Variants in OAS3 observed in about 807,000 individuals in gnomAD.
OAS3 encodes the protein 2'-5'-oligoadenylate synthetase 3.
A neutral mutation model predicts 113.0 loss-of-function variants in OAS3; 107 were observed. The ratio of observed to expected loss-of-function variants is 0.95; its 90% CI spans 0.81 to 1.11. The LOEUF (loss-of-function observed/expected upper bound fraction) is 1.11. Ranked by LOEUF, OAS3 falls within the 50% of genes most tolerant of loss-of-function variation. OAS3 has a pLI of 0.00. For missense variants in OAS3, 1,258 were observed against 1,389.1 expected (o/e 0.91, Z 1.50); for synonymous variants, 552 against 573.6 (o/e 0.96, Z 0.54).
At position 112,950,674 on chromosome 12, in the gene OAS3, G is replaced by A. The variant is rs771425878; in HGVS notation, c.1375-19G>A. 6.2e-7 allele frequency: 1 copy of A among 1,613,216 alleles called. No homozygotes were observed. On this transcript the variant is annotated intron_variant, in intron 6 of 15. Transcript: ENST00000228928. ...GGCTCCTAGAGGGTCCCTGATCTGA[G>A]CTGTTCTTCCCTCCACAGGGGGGCT...
rs780093595 is a variant in OAS3, at chr12:112,964,334, G to A, written c.2329G>A (p.Val777Ile). ...RQFLAQVNKA[V>I]DTICSFLKEN... ...GTTCCTGGCCCAGGTGAACAAGGCC[G>A]TTGATACCATCTGTTCATTTTTGAA... Residue 777 changes from valine (V) to isoleucine (I), a missense_variant, in exon 11 of 16, where the codon GTT (valine) becomes ATT (isoleucine). Val to Ile is a conservative substitution (Grantham distance 29). Transcript: ENST00000228928. The A allele has an allele frequency of 3.6e-5, 58 of 1,611,410 alleles. No individual in the cohort carries two copies. In the African/African-American group the frequency reaches 4.4e-4, roughly 12 times the overall value.
intron 14 of OAS3, 21 bp from the exon 15 acceptor site, chr12:112,969,587 G>A (rs777702605): frequency 6.3e-7 from 1 of 1,586,584 alleles, no homozygotes; most frequent in Non-Finnish European, 8.6e-7. Context: ...GAATAAGACT[G>A]TCCCTGGGTG....
chr12:112,962,645 GA>G lies in OAS3; in HGVS notation c.1834-6del, dbSNP rs753736965. On this transcript the variant is annotated splice_region_variant and splice_polypyrimidine_tract_variant and intron_variant, in intron 8 of 15. Transcript: ENST00000228928. The stretch of plus-strand genomic sequence containing the variant: ...CACTCATCTTTGGTTGGCCTTGTGT[GA>G]CACAGGTTGCGGCTCAGAACAAAGG... 6.2e-7 allele frequency: 1 copy of G among 1,611,964 alleles called. No individual in the cohort carries two copies. Among genetic ancestry groups the G allele is most frequent in the African/African-American group, 1.3e-5 (1 of 74,882 alleles).
At position 112,950,712 on chromosome 12, in the gene OAS3, G is replaced by T. The variant is rs1305517626; in HGVS notation, c.1394G>T (p.Gly465Val). 3 of 1,614,036 alleles carry T rather than the reference G, an allele frequency of 1.9e-6. No individual in the cohort carries two copies. The highest frequency in any genetic ancestry group is 2.5e-6 in the Non-Finnish European group (3 of 1,179,902). ...RVSKGGSFGR[G>V]TDLRDGCDVE... ...CCACAGGGGGGCTCATTTGGCCGGG[G>T]CACAGACCTAAGGGATGGCTGTGAT... The change falls in exon 7 of 16, where the codon GGC becomes GTC. Residue 465 changes from glycine to valine, a missense_variant. Gly to Val is a moderately radical substitution (Grantham distance 109). Transcript: ENST00000228928.
Position 112,954,621 on chromosome 12 carries a change from TC to T in OAS3, c.1657+3647del, listed in dbSNP as rs1399218305. Among the ~76,000 whole-genome samples, 1 of 152,194 alleles carries T rather than the reference TC, an allele frequency of 6.6e-6. No individual in the cohort carries two copies. Among genetic ancestry groups the T allele is most frequent in the Non-Finnish European group, 1.5e-5 (1 of 68,036 alleles). On this transcript the variant is annotated intron_variant, in intron 7 of 15. Coordinates refer to ENST00000228928, the MANE Select transcript of OAS3 (RefSeq NM_006187.4). The surrounding 1 kb of genome is among the most constrained non-coding windows in gnomAD (Gnocchi z 4.0). ...CCATTTCTTGTTTTTGTCAGGTTTG[TC>T]AAAGATCAGATGGTTGTAGACATGT...
intron 7 of OAS3, among the ~76,000 whole-genome samples, chr12:112,952,359 C>T (rs1320622000): frequency 1.3e-5 from 2 of 152,122 alleles, no homozygotes; most frequent in African/African-American, 2.4e-5. Flanking sequence ...ATTTTCCTGA[C>T]GTACCCTCTC....
At position 112,961,172 on chromosome 12, in the gene OAS3, C is replaced by G; in HGVS notation, c.1759C>G (p.Arg587Gly). Reference sequence around the variant, plus strand: ...GCATAAGGCCTGCTTCGCAGAGCTGCGGAGGAACTTCATGAACATTCGCCC... The same window carrying G: ...GCATAAGGCCTGCTTCGCAGAGCTGGGGAGGAACTTCATGAACATTCGCCC... ...GEHKACFAEL[R>G]RNFMNIRPVK... The change falls in exon 8 of 16, where the codon CGG (arginine) becomes GGG (glycine). Residue 587 changes from arginine (R) to glycine (G), a missense_variant. Arg to Gly is a moderately radical substitution (Grantham distance 125). Transcript: ENST00000228928. 6.2e-7 allele frequency: 1 copy of G among 1,613,310 alleles called. No individual in the cohort carries two copies. The highest frequency in any genetic ancestry group is 8.5e-7 in the Non-Finnish European group (1 of 1,179,890).
At chr12:112,948,215 G>A (rs1374380678) in intron 5 of OAS3, 116 bp downstream of exon 5, 12 of 1,080,362 alleles carry the variant, frequency 1.1e-5, no homozygotes, top group Non-Finnish European at 1.5e-5. Flanking sequence ...AGCAGGGGTG[G>A]CCAGGTGTGG....
Position 112,948,928 on chromosome 12 carries a change from C to A in OAS3, c.1097C>A (p.Pro366His). 1 of 1,611,268 alleles carries A rather than the reference C, an allele frequency of 6.2e-7. No homozygotes were observed. Among genetic ancestry groups the A allele is most frequent in the African/African-American group, 1.3e-5 (1 of 74,954 alleles). ...PIQLDPNQKT[P>H]ENSKSLNAVY... ...CAGCTAGACCCTAACCAGAAGACCC[C>A]TGAAAACAGCAAGAGCCTCAATGCT... Residue 366 changes from proline (P) to histidine (H), a missense_variant, in exon 6 of 16, where the codon CCT becomes CAT. By Grantham distance (77) the Pro-to-His change is moderately conservative (BLOSUM62 -2). Coordinates refer to ENST00000228928, the MANE Select transcript of OAS3 (RefSeq NM_006187.4).
At chr12:112,965,224 A>G (rs1310257303) in intron 11 of OAS3, among the ~76,000 whole-genome samples, 1 of 152,174 alleles carries the variant, frequency 6.6e-6, no homozygotes, top group African/African-American at 2.4e-5. Flanking sequence ...ATAGGCATGT[A>G]CCTTCCCCTC....
chr12:112,948,715 G>A, intron 5 of OAS3, 146 bp from the exon 6 acceptor site: 2 of 648,152 alleles, frequency 3.1e-6, no homozygotes, highest in Non-Finnish European at 5.3e-6. Flanking sequence ...AGATGGCCAT[G>A]TGCGTTAGCC....
rs1203384009 is a variant in OAS3 at position 112,973,232 on chromosome 12, A to T, written c.*3259A>T. The T allele has an allele frequency of 6.6e-6, 1 of 152,206 alleles. No homozygotes were observed. Among genetic ancestry groups the T allele is most frequent in the Non-Finnish European group, 1.5e-5 (1 of 68,030 alleles). The allele number at this position is 152,206 out of a possible 1,614,324, so 9.4% of individuals were successfully genotyped here. On this transcript the variant is annotated 3_prime_UTR_variant, in exon 16 of 16. Transcript: ENST00000228928. ...ATTTCATCTATTGCCAACATTTCAT[A>T]TAAATGGCATCATACAATATGTGGC...
chr12:112,957,183 T>C (rs1347664528), intron 7 of OAS3, among the ~76,000 whole-genome samples: 7 of 152,216 alleles, frequency 4.6e-5, no homozygotes, highest in Admixed American at 1.3e-4. Flanking sequence ...TGTTTTCCAT[T>C]TGCTTGGTAG....
At chr12:112,942,106 C>A in intron 2 of OAS3, 1 of 600,786 alleles carries the variant, frequency 1.7e-6, no homozygotes, top group East Asian at 2.8e-5. Context: ...GAGTTTCCCT[C>A]AGCCACTGCC....
chr12:112,961,117 G>A lies in OAS3; in HGVS notation c.1704G>A (p.Arg568=). The A allele has an allele frequency of 1.9e-6, 3 of 1,613,376 alleles. No homozygotes were observed. The highest frequency in any genetic ancestry group is 2.5e-6 in the Non-Finnish European group (3 of 1,179,856). The part of the protein sequence containing the change: ...GTKPNPQVYS[R]LLTSGCQEGE... ...AACCAAATCCCCAGGTCTACTCGAG[G>A]CTCCTCACCAGTGGCTGCCAGGAGG... The change falls in exon 8 of 16, where the codon AGG becomes AGA. Residue 568 remains arginine (R), a synonymous_variant. Coordinates refer to ENST00000228928, the MANE Select transcript of OAS3 (RefSeq NM_006187.4).
In OAS3 at chr12:112,970,226, G is replaced by T; in HGVS notation, c.*253G>T. On this transcript the variant is annotated 3_prime_UTR_variant, in exon 16 of 16. Coordinates refer to ENST00000228928, the MANE Select transcript of OAS3 (RefSeq NM_006187.4). Reference sequence around the variant, plus strand: ...CATGGTTTGACACCAGCCTGCGTTTGCAGCTTCTCTGTCACTTCCATGACT... The same window carrying T: ...CATGGTTTGACACCAGCCTGCGTTTTCAGCTTCTCTGTCACTTCCATGACT... 1.7e-6 allele frequency: 1 copy of T among 574,760 alleles called. No homozygotes were observed. The highest frequency in any genetic ancestry group is 2.0e-5 in the South Asian group (1 of 49,676). The allele number at this position is 574,760 out of a possible 1,614,324, so 35.6% of individuals were successfully genotyped here. A position where few individuals can be genotyped will look rare whatever the true frequency, so the allele number is the denominator to read the frequency against.
Position 112,961,120 on chromosome 12 carries a change from C to T in OAS3, c.1707C>T (p.Leu569=), listed in dbSNP as rs753341700. ...CAAATCCCCAGGTCTACTCGAGGCT[C>T]CTCACCAGTGGCTGCCAGGAGGGCG... ...TKPNPQVYSR[L]LTSGCQEGEH... Residue 569 remains leucine, a synonymous_variant, in exon 8 of 16, where the codon CTC becomes CTT. Transcript: ENST00000228928. The T allele has an allele frequency of 3.7e-6, 6 of 1,613,414 alleles. No homozygotes were observed. Among genetic ancestry groups the T allele is most frequent in the South Asian group, 1.1e-5 (1 of 91,042 alleles).
chr12:112,944,327 C>T, intron 2 of OAS3, 149 bp from the exon 3 acceptor site: 1 of 770,808 alleles, frequency 1.3e-6, no homozygotes, highest in South Asian at 1.7e-5. Context: ...GCTCTCTTCC[C>T]AGTCCCCCGA....
rs746297884 is a variant in OAS3, at chr12:112,950,820, G to A, written c.1502G>A (p.Arg501Gln). 13 of 1,613,912 alleles carry A rather than the reference G, an allele frequency of 8.1e-6. No individual in the cohort carries two copies. The highest frequency in any genetic ancestry group is 6.6e-5 in the South Asian group (6 of 91,092). ...PRRAEILDEM[R>Q]AQLESWWQDQ... ...CGCGCAGAGATCCTTGATGAGATGCGAGCGCAGCTAGAATCCTGGTGGCAG... is the reference window on the plus strand; with the variant it reads ...CGCGCAGAGATCCTTGATGAGATGCAAGCGCAGCTAGAATCCTGGTGGCAG... The change falls in exon 7 of 16, where the codon CGA becomes CAA. Residue 501 changes from arginine (R) to glutamine (Q), a missense_variant. Arg to Gln is a conservative substitution (Grantham distance 43, BLOSUM62 1). Transcript: ENST00000228928.
Sources: allele counts gnomAD v4.1 joint callset (sites outside exome capture counted in the v4.1 genomes callset), GRCh38; gene constraint gnomAD v4.1.1; non-coding constraint Gnocchi (gnomAD v3.1); transcripts MANE v1.5; gene names NCBI Gene and HGNC (gene_info 2026-07-23, HGNC 2026-07-21).